Variants in KIAA0753 observed in about 807,000 individuals in gnomAD.
The protein encoded by KIAA0753 is KIAA0753.
Under a neutral mutation model 116.9 loss-of-function variants are expected in KIAA0753, and 114 were observed. That is an observed-to-expected ratio of 0.98 (90% CI 0.84 to 1.14). The LOEUF (loss-of-function observed/expected upper bound fraction) is 1.14, where lower values mean the gene tolerates loss of function less well. Ranked by LOEUF, KIAA0753 falls within the 50% of genes most tolerant of loss-of-function variation. The probability of loss-of-function intolerance (pLI) is 0.00; values close to 1 mark genes in which losing one functional copy is unlikely to be tolerated. For synonymous variants in KIAA0753, 405 were observed against 413.1 expected (o/e 0.98, Z 0.24); for missense variants, 1,156 against 1,172.4 (o/e 0.99, Z 0.20).
Position 6,628,637 on chromosome 17 carries a change from G to T in KIAA0753, c.198C>A (p.Tyr66Ter). ...AIRIEKLKHS[Y>*]NESYHCKDAD... is the part of the protein sequence containing the mutation. Reference sequence around the variant, plus strand: ...CATCTTTACAATGGTATGATTCATTGTATGAGTGCTTCAGTTTTTCAATTC... The same window carrying T: ...CATCTTTACAATGGTATGATTCATTTTATGAGTGCTTCAGTTTTTCAATTC... Residue 66 changes from tyrosine (Y) to a stop codon, truncating the protein, a stop_gained, in exon 3 of 19, where the codon TAC becomes TAA. Transcript: ENST00000361413. LOFTEE classifies it high-confidence loss of function. 1 of 1,614,170 alleles carries T rather than the reference G, an allele frequency of 6.2e-7. No homozygotes were observed. Among genetic ancestry groups the T allele is most frequent in the South Asian group, 1.1e-5 (1 of 91,082 alleles).
chr17:6,590,466 G>A, intron 17 of KIAA0753, 44 bp downstream of exon 17: 1 of 1,609,398 alleles, frequency 6.2e-7, no homozygotes. Context: ...TAACATCAAA[G>A]GTGACTGACT....
At position 6,610,517 on chromosome 17, in the gene KIAA0753, T is replaced by TTC. The variant is rs1970469257; in HGVS notation, c.1546-358_1546-357insGA. Among the ~76,000 whole-genome samples, 6 of 26,082 alleles carry TTC rather than the reference T, an allele frequency of 2.3e-4. No individual in the cohort carries two copies. In the South Asian group the frequency reaches 8.4e-3, roughly 37 times the overall value. The allele number at this position is 26,082 out of a possible 152,430, so 17.1% of individuals were successfully genotyped here. On this transcript the variant is annotated intron_variant, in intron 8 of 18. Transcript: ENST00000361413. ...ATTTTTCTTTTTTCTTTTCTTTCTC[T>TTC]TTTTTTTTTTTTTTTTTTTAAGAGA...
intron 18 of KIAA0753, among the ~76,000 whole-genome samples, chr17:6,581,211 A>G (rs1968156751): frequency 6.6e-6 from 1 of 151,994 alleles, no homozygotes. Flanking sequence ...CTGTAATCTA[A>G]TAGTCCTTCA....
At chr17:6,586,035 G>C (rs937640472) in intron 18 of KIAA0753, among the ~76,000 whole-genome samples, 15 of 149,020 alleles carry the variant, frequency 1.0e-4, no homozygotes, top group African/African-American at 3.8e-4. Flanking sequence ...TTTGGATCAC[G>C]GGAGAGGATC....
In KIAA0753 at chr17:6,595,178, C is replaced by T. The variant is rs4796339; in HGVS notation, c.2359-125G>A. Reference sequence around the variant, plus strand: ...ACGGACGTACTGCCAGACATGGGCACCTGTCAGGCCAGGAAGTAATTAGTT... The same window carrying T: ...ACGGACGTACTGCCAGACATGGGCATCTGTCAGGCCAGGAAGTAATTAGTT... On this transcript the variant is annotated intron_variant, in intron 15 of 18. Coordinates refer to ENST00000361413, the MANE Select transcript of KIAA0753 (RefSeq NM_014804.3). 399,050 of 655,964 alleles carry T rather than the reference C, an allele frequency of 0.61. 123,582 individuals are homozygous for T. The highest frequency in any genetic ancestry group is 0.78 in the African/African-American group (42,424 of 54,512). The allele number at this position is 655,964 out of a possible 1,614,324, so 40.6% of individuals were successfully genotyped here. A position where few individuals can be genotyped will look rare whatever the true frequency, so the allele number is the denominator to read the frequency against.
rs751352855 is a variant in KIAA0753 at position 6,599,224 on chromosome 17, A to G, written c.2172+13T>C. ...GCAATAATACCAGAATGCCAATATC[A>G]CACAACGCATACCTCCTGTGCAGGC... On this transcript the variant is annotated intron_variant, in intron 14 of 18. Transcript: ENST00000361413. The G allele has an allele frequency of 1.9e-6, 3 of 1,598,784 alleles. No individual in the cohort carries two copies. Among genetic ancestry groups the G allele is most frequent in the Non-Finnish European group, 2.6e-6 (3 of 1,166,204 alleles).
chr17:6,592,068 G>A (rs1440955337), intron 16 of KIAA0753, among the ~76,000 whole-genome samples: 6 of 152,246 alleles, frequency 3.9e-5, no homozygotes, highest in Admixed American at 3.9e-4. Context: ...AGGCCGAGTA[G>A]GATCATTGAG....
intron 14 of KIAA0753, among the ~76,000 whole-genome samples, chr17:6,599,034 T>C (rs958976441): frequency 6.6e-6 from 1 of 152,248 alleles, no homozygotes; most frequent in African/African-American, 2.4e-5. Flanking sequence ...TGTAAGATTT[T>C]TGTGCTCTGT....
At chr17:6,611,558 C>G (rs747537312) in intron 8 of KIAA0753, among the ~76,000 whole-genome samples, 2 of 152,106 alleles carry the variant, frequency 1.3e-5, no homozygotes, top group Non-Finnish European at 2.9e-5. Context: ...TCCCAAATTG[C>G]TGGGATTATA....
chr17:6,634,113 T>C (rs570509307), intron 2 of KIAA0753, among the ~76,000 whole-genome samples: 22 of 148,984 alleles, frequency 1.5e-4, no homozygotes, highest in South Asian at 6.4e-4. Flanking sequence ...TTTTTTTTTT[T>C]CTTTTTTGAG....
At chr17:6,626,741 C>T (rs779645965) in intron 3 of KIAA0753, among the ~76,000 whole-genome samples, 4 of 152,216 alleles carry the variant, frequency 2.6e-5, no homozygotes, top group Non-Finnish European at 4.4e-5. Context: ...TTTGCCGCTA[C>T]TGTGACATTT....
chr17:6,594,793 A>C (rs1567545153), intron 16 of KIAA0753, among the ~76,000 whole-genome samples, 179 bp downstream of exon 16: 1 of 152,230 alleles, frequency 6.6e-6, no homozygotes, highest in Non-Finnish European at 1.5e-5. Flanking sequence ...TGCGAACATA[A>C]GATGAACTGA....
chr17:6,590,448 A>G, intron 17 of KIAA0753, 62 bp downstream of exon 17: 1 of 1,591,724 alleles, frequency 6.3e-7, no homozygotes, highest in South Asian at 1.1e-5. Flanking sequence ...AAAGAATTCA[A>G]AATCTAATAA....
chr17:6,589,797 G>A lies in KIAA0753; in HGVS notation c.2768C>T (p.Pro923Leu), dbSNP rs371406853. 1.2e-5 allele frequency: 19 copies of A among 1,606,824 alleles called. No homozygotes were observed. Among genetic ancestry groups the A allele is most frequent in the Admixed American group, 3.5e-5 (2 of 57,738 alleles). Reference protein sequence around the residue: ...ISHEAVGSFNPWLIAESFSEE... With the variant: ...ISHEAVGSFNLWLIAESFSEE... The stretch of plus-strand genomic sequence containing the variant: ...TACTGACCTTTCAGCTATCAGCCAC[G>A]GGTTGAAGGAGCCTACAGCCTCATG... Residue 923 changes from proline to leucine, a missense_variant, in exon 18 of 19, where the codon CCG (proline) becomes CTG (leucine). Pro to Leu is a moderately conservative substitution (Grantham distance 98). Coordinates refer to ENST00000361413, the MANE Select transcript of KIAA0753 (RefSeq NM_014804.3).
In KIAA0753 at chr17:6,610,112, T is replaced by A. The variant is rs1206700510; in HGVS notation, c.1594A>T (p.Ser532Cys). 5 of 1,614,132 alleles carry A rather than the reference T, an allele frequency of 3.1e-6. No individual in the cohort carries two copies. The highest frequency in any genetic ancestry group is 2.2e-5 in the East Asian group (1 of 44,886). The change falls in exon 9 of 19, where the codon AGC becomes TGC. Residue 532 changes from serine (S) to cysteine (C), a missense_variant. Coordinates refer to ENST00000361413, the MANE Select transcript of KIAA0753 (RefSeq NM_014804.3). ...GAAACTGTTGTCTGCTGCACTCTGC[T>A]TTTACTGTGAGGTTGGCTTTGTCTA... ...RGRQSQPHSK[S>C]RVQQTTVSSR...
At chr17:6,608,208 G>A (rs1213935049) in intron 10 of KIAA0753, 140 bp downstream of exon 10, 2 of 407,346 alleles carry the variant, frequency 4.9e-6, no homozygotes, top group Non-Finnish European at 4.4e-6. Flanking sequence ...TACATTTTAT[G>A]TATTTATTCT....
chr17:6,624,728 C>T, intron 4 of KIAA0753, 27 bp downstream of exon 4: 1 of 1,462,634 alleles, frequency 6.8e-7, no homozygotes, highest in Non-Finnish European at 9.4e-7. Flanking sequence ...AGGCTGACTG[C>T]CCTACTTCTC....
rs775080551 is a variant in KIAA0753 at position 6,579,708 on chromosome 17, T to C, written c.*39A>G. ...CAAAACAAAGGGTGGTGCCATCCCT[T>C]CTCCAGTGTGACACAAATGGCCTCG... On this transcript the variant is annotated 3_prime_UTR_variant, in exon 19 of 19. Transcript: ENST00000361413. 2.1e-6 allele frequency: 3 copies of C among 1,405,104 alleles called. No homozygotes were observed. The highest frequency in any genetic ancestry group is 3.0e-6 in the Non-Finnish European group (3 of 992,474). The allele number at this position is 1,405,104 out of a possible 1,614,324, so 87.0% of individuals were successfully genotyped here.
chr17:6,623,431 G>C (rs1971457721), intron 5 of KIAA0753, 78 bp downstream of exon 5: 1 of 1,123,380 alleles, frequency 8.9e-7, no homozygotes, highest in Non-Finnish European at 1.3e-6. Context: ...TAGTGCAGAG[G>C]GCCCTACACA....
Sources: gnomAD v4.1 joint callset for allele counts (sites outside exome capture counted in the v4.1 genomes callset) on GRCh38, gnomAD v4.1.1 for gene constraint, MANE v1.5 for transcripts, NCBI Gene and HGNC (gene_info 2026-07-23, HGNC 2026-07-21) for gene names.